The following AKAP6 variants were observed in gnomAD, a reference collection of about 807,000 sequenced individuals.
AKAP6 encodes A-kinase anchoring protein 6.
In AKAP6, 58 loss-of-function variants were observed where a neutral mutation model predicts 188.5. The ratio of observed to expected loss-of-function variants is 0.31; its 90% CI spans 0.25 to 0.38. The LOEUF (loss-of-function observed/expected upper bound fraction) is 0.38. Ranked by LOEUF, AKAP6 falls within the 10% of genes least tolerant of loss-of-function variation. AKAP6 has a pLI of 1.00. For synonymous variants in AKAP6, 989 were observed against 998.6 expected (o/e 0.99, Z 0.18); for missense variants, 2,710 against 2,740.0 (o/e 0.99, Z 0.24).
chr14:32,449,649 A>G (rs1342335442), intron 2 of AKAP6, among the ~76,000 whole-genome samples: 1 of 152,214 alleles, frequency 6.6e-6, no homozygotes, highest in African/African-American at 2.4e-5. Flanking sequence ...GGCCCTGCCA[A>G]TCAACTGCCA....
chr14:32,695,818 C>T (rs932256680), intron 8 of AKAP6, among the ~76,000 whole-genome samples, 172 bp from the exon 9 acceptor site: 3 of 152,106 alleles, frequency 2.0e-5, no homozygotes, highest in Non-Finnish European at 2.9e-5. Flanking sequence ...GTGGCTGTGT[C>T]GCAGGTTTGA....
At chr14:32,790,083 T>C (rs1027857827) in intron 12 of AKAP6, among the ~76,000 whole-genome samples, 8 of 152,246 alleles carry the variant, frequency 5.3e-5, no homozygotes, top group East Asian at 1.9e-4. Flanking sequence ...CAATCACAAG[T>C]ATCAATAGCA....
At chr14:32,613,899 A>G (rs1886451424) in intron 7 of AKAP6, among the ~76,000 whole-genome samples, 1 of 152,230 alleles carries the variant, frequency 6.6e-6, no homozygotes, top group South Asian at 2.1e-4. Flanking sequence ...CAAGTCAATT[A>G]GACTAAATAT....
intron 7 of AKAP6, among the ~76,000 whole-genome samples, chr14:32,662,201 C>T (rs1888733796): frequency 6.6e-6 from 1 of 152,102 alleles, no homozygotes; most frequent in Middle Eastern, 3.4e-3. Context: ...TTATAGTTCT[C>T]TTTAAATATC....
chr14:32,576,753 G>C (rs1884736496), intron 4 of AKAP6, among the ~76,000 whole-genome samples: 1 of 152,148 alleles, frequency 6.6e-6, no homozygotes, highest in Non-Finnish European at 1.5e-5. Flanking sequence ...CAAAGCCAAC[G>C]AGTGTTCCTA....
intron 9 of AKAP6, among the ~76,000 whole-genome samples, chr14:32,696,794 T>TAAA (rs202150922): frequency 7.3e-6 from 1 of 137,756 alleles, no homozygotes; most frequent in South Asian, 2.3e-4. Context: ...TGATTTTGCC[T>TAAA]AAAAAAAAAA....
intron 1 of AKAP6, among the ~76,000 whole-genome samples, chr14:32,346,046 A>G (rs1218250301): frequency 1.3e-5 from 2 of 152,208 alleles, no homozygotes; most frequent in Non-Finnish European, 1.5e-5. Context: ...CAGAAGTTCT[A>G]ATATTTTCAT....
At position 32,823,177 on chromosome 14, in the gene AKAP6, C is replaced by T. The variant is rs2034578196; in HGVS notation, c.5364C>T (p.Asp1788=). The change falls in exon 13 of 14, where the codon GAC becomes GAT. Residue 1788 remains aspartate, a synonymous_variant. Coordinates refer to ENST00000280979, the MANE Select transcript of AKAP6 (RefSeq NM_004274.5). ...CAACAGATGATGAAATTTATGAAGACTGCACCTTGATGTCAGGGCTAGACT... is the reference window on the plus strand; with the variant it reads ...CAACAGATGATGAAATTTATGAAGATTGCACCTTGATGTCAGGGCTAGACT... ...SIATDDEIYE[D]CTLMSGLDYI... 6.2e-7 allele frequency: 1 copy of T among 1,613,752 alleles called. No homozygotes were observed.
chr14:32,609,567 A>G (rs1886264209), intron 7 of AKAP6, among the ~76,000 whole-genome samples: 1 of 152,160 alleles, frequency 6.6e-6, no homozygotes, highest in Admixed American at 6.6e-5. Context: ...TGGCCTGCAG[A>G]GGCCAACACT....
intron 11 of AKAP6, among the ~76,000 whole-genome samples, chr14:32,765,996 C>G (rs1044068735): frequency 6.6e-6 from 1 of 152,096 alleles, no homozygotes; most frequent in Non-Finnish European, 1.5e-5. Context: ...AAAAGAAACC[C>G]CTTACCCATT....
chr14:32,469,818 A>T (rs1002239730), intron 2 of AKAP6, among the ~76,000 whole-genome samples: 1 of 152,148 alleles, frequency 6.6e-6, no homozygotes, highest in African/African-American at 2.4e-5. Context: ...TCTGTTTCCA[A>T]AATGAAAGAT....
At chr14:32,539,447 A>G (rs535173094) in intron 3 of AKAP6, among the ~76,000 whole-genome samples, 4 of 152,144 alleles carry the variant, frequency 2.6e-5, no homozygotes, top group South Asian at 2.1e-4. Context: ...TTTGAACTAC[A>G]TGAGGGTTAG....
At chr14:32,634,225 T>A (rs1887395330) in intron 7 of AKAP6, among the ~76,000 whole-genome samples, 2 of 152,058 alleles carry the variant, frequency 1.3e-5, no homozygotes, top group Admixed American at 1.3e-4. Flanking sequence ...AATTGGATAA[T>A]TCAAGAAGGA....
At position 32,495,623 on chromosome 14, in the gene AKAP6, T is replaced by G. The variant is rs151052115; in HGVS notation, c.325-39931T>G. 1.5e-3 allele frequency among the ~76,000 whole-genome samples: 225 copies of G among 152,318 alleles called. 2 individuals are homozygous for G. In the East Asian group the frequency reaches 0.035, roughly 23 times the overall value. On this transcript the variant is annotated intron_variant, in intron 2 of 13. Coordinates refer to ENST00000280979, the MANE Select transcript of AKAP6 (RefSeq NM_004274.5). Reference sequence around the variant, plus strand: ...TTAAATTCTAGGACATAAGGGAGGCTGAGAGCATTCACACAAAGTGCGACT... The same window carrying G: ...TTAAATTCTAGGACATAAGGGAGGCGGAGAGCATTCACACAAAGTGCGACT...
intron 7 of AKAP6, among the ~76,000 whole-genome samples, chr14:32,605,546 G>A (rs938148658): frequency 1.3e-5 from 2 of 152,136 alleles, no homozygotes. Context: ...CCAAGCCAGA[G>A]TGAGGTCTCT....
At chr14:32,753,030 T>G (rs1315824980) in intron 11 of AKAP6, among the ~76,000 whole-genome samples, 1 of 152,190 alleles carries the variant, frequency 6.6e-6, no homozygotes, top group African/African-American at 2.4e-5. Context: ...GACATCTTTT[T>G]GACATACTGA....
At chr14:32,529,740 T>C (rs973568117) in intron 2 of AKAP6, among the ~76,000 whole-genome samples, 14 of 152,294 alleles carry the variant, frequency 9.2e-5, no homozygotes, top group Admixed American at 4.6e-4. Context: ...GGAGAAAGTA[T>C]GATTTTGATA....
rs749350907 is a variant in AKAP6, at chr14:32,545,757, C to T, written c.1104C>T (p.Thr368=). The change falls in exon 4 of 14, where the codon ACC becomes ACT. Residue 368 remains threonine (T), a synonymous_variant. Transcript: ENST00000280979. ...AGCCTGTTCCTTGTGAAAATGCAAC[C>T]CCCAAACGAACCATCAGAGATTGCT... is the stretch of plus-strand genomic sequence containing the variant. ...NQQPVPCENA[T]PKRTIRDCFN... The T allele has an allele frequency of 2.5e-6, 4 of 1,614,190 alleles. No individual in the cohort carries two copies. The highest frequency in any genetic ancestry group is 1.3e-5 in the African/African-American group (1 of 75,054).
chr14:32,389,228 G>A (rs1376181438), intron 1 of AKAP6, among the ~76,000 whole-genome samples: 4 of 152,148 alleles, frequency 2.6e-5, no homozygotes, highest in South Asian at 2.1e-4. Context: ...AAGTTTGTGC[G>A]AGTCCTTATG....
Sources: gnomAD v4.1 joint callset for allele counts (sites outside exome capture counted in the v4.1 genomes callset) on GRCh38, gnomAD v4.1.1 for gene constraint, MANE v1.5 for transcripts, NCBI Gene and HGNC (gene_info 2026-07-23, HGNC 2026-07-21) for gene names.